Variants in TLR1 observed in about 807,000 individuals in gnomAD.
TLR1 encodes toll like receptor 1.
A neutral mutation model predicts 20.2 loss-of-function variants in TLR1; 19 were observed. The ratio of observed to expected loss-of-function variants is 0.94; its 90% confidence interval spans 0.66 to 1.38. The LOEUF (loss-of-function observed/expected upper bound fraction) is 1.38. TLR1 is among the 40% of genes most tolerant of loss of function. TLR1 has a pLI of 0.00. For synonymous variants in TLR1, 320 were observed against 334.5 expected, an observed-to-expected ratio of 0.96 and a Z score of 0.47; for missense variants, 921 against 910.0, an observed-to-expected ratio of 1.01 and a Z score of -0.16.
rs1726181756 is a variant in TLR1, at chr4:38,797,380, A to G, written c.1452T>C (p.Pro484=). 1 of 1,614,032 alleles carries G rather than the reference A, an allele frequency of 6.2e-7. No homozygotes were observed. Among genetic ancestry groups the G allele is most frequent in the Admixed American group, 1.7e-5 (1 of 60,004 alleles). ...NVAFNSLTDL[P]GCGSFSSLSV... is the part of the protein sequence containing the mutation. ...AAAGGCTGCTAAAGCTGCCACATCCAGGAAGGTCAGTTAAAGAATTGAAAG... is the reference window on the plus strand; with the variant it reads ...AAAGGCTGCTAAAGCTGCCACATCCGGGAAGGTCAGTTAAAGAATTGAAAG... The change falls in exon 4 of 4, where the codon CCT becomes CCC. Residue 484 remains proline, a synonymous_variant. Coordinates refer to ENST00000308979, the MANE Select transcript of TLR1 (RefSeq NM_003263.4).
At chr4:38,792,003 C>T (rs988080545), downstream of TLR1, among the ~76,000 whole-genome samples, 1 of 152,136 alleles carries the variant, frequency 6.6e-6, no homozygotes, top group Non-Finnish European at 1.5e-5. Flanking sequence ...TAGCCATGAC[C>T]CTGAGATAAG....
chr4:38,798,041 A>T lies in TLR1; in HGVS notation c.791T>A (p.Ile264Asn). Residue 264 changes from isoleucine to asparagine, a missense_variant, in exon 4 of 4, where the codon ATC becomes AAC. Ile to Asn is a moderately radical substitution (Grantham distance 149). Transcript: ENST00000308979. ...AGTTGTATGCCAAACCAGCTGGAGG[A>T]TCCTAATGAAAGAATTCCAAGTTGT... ...IETTWNSFIRILQLVWHTTVW... is the reference protein window; with the variant it reads ...IETTWNSFIRNLQLVWHTTVW... 6.2e-7 allele frequency: 1 copy of T among 1,614,040 alleles called. No homozygotes were observed. Among genetic ancestry groups the T allele is most frequent in the East Asian group, 2.2e-5 (1 of 44,876 alleles).
At chr4:38,794,987 G>A (rs958574519), downstream of TLR1, among the ~76,000 whole-genome samples, 3 of 152,182 alleles carry the variant, frequency 2.0e-5, no homozygotes, top group Admixed American at 2.0e-4. Context: ...ACTCAAGAGT[G>A]ACCCGAATGA....
chr4:38,801,442 A>G (rs5743592), intron 2 of TLR1, among the ~76,000 whole-genome samples: 22,309 of 152,274 alleles, frequency 0.15, 2,264 homozygotes, highest in East Asian at 0.41. Flanking sequence ...ACTTTGTTAC[A>G]GCAATTTAAA....
At chr4:38,803,547 GT>G (rs1726820554) in intron 2 of TLR1, among the ~76,000 whole-genome samples, 1 of 152,156 alleles carries the variant, frequency 6.6e-6, no homozygotes, top group African/African-American at 2.4e-5. Flanking sequence ...TAAGTACTCA[GT>G]TTATGAAACC....
At chr4:38,792,853 T>TTATATATATATATATATA (rs72518392), downstream of TLR1, among the ~76,000 whole-genome samples, 577 of 122,100 alleles carry the variant, frequency 4.7e-3, 16 homozygotes, top group African/African-American at 0.014. Context: ...TATTTTCAAA[T>TTATATATATATATATATA]TATATATATA....
chr4:38,788,920 C>T (rs147725329), downstream of TLR1, among the ~76,000 whole-genome samples: 1,036 of 152,210 alleles, frequency 6.8e-3, 14 homozygotes, highest in African/African-American at 0.024. Flanking sequence ...GCAAGAGGAT[C>T]TCTGGAGCTG....
chr4:38,792,884 T>TATA (rs1553901961), downstream of TLR1, among the ~76,000 whole-genome samples: 1 of 149,166 alleles, frequency 6.7e-6, no homozygotes, highest in Non-Finnish European at 1.5e-5. Flanking sequence ...TATCTCCAAA[T>TATA]TACTTTGCCC....
downstream of TLR1, among the ~76,000 whole-genome samples, chr4:38,792,821 C>T (rs1725787723): frequency 7.1e-6 from 1 of 141,734 alleles, no homozygotes; most frequent in East Asian, 2.2e-4. Context: ...AAAAGTGGAA[C>T]TGACAGATCA....
chr4:38,792,730 G>T (rs1725783276), downstream of TLR1, among the ~76,000 whole-genome samples: 2 of 151,678 alleles, frequency 1.3e-5, no homozygotes, highest in African/African-American at 4.9e-5. Context: ...ATTTTCCATG[G>T]CTGCTAATAA....
downstream of TLR1, among the ~76,000 whole-genome samples, chr4:38,791,892 A>G (rs1258664220): frequency 1.3e-5 from 2 of 152,228 alleles, no homozygotes; most frequent in African/African-American, 4.8e-5. Flanking sequence ...GAAGGAGTAC[A>G]TAACCACCCA....
intron 1 of TLR1, 38 bp from the exon 2 acceptor site, chr4:38,804,420 G>A (rs1202205497): frequency 1.3e-5 from 2 of 152,360 alleles, no homozygotes; most frequent in East Asian, 3.9e-4. Flanking sequence ...TAGGTGAAGA[G>A]AAATGCTGTC....
downstream of TLR1, among the ~76,000 whole-genome samples, chr4:38,791,560 G>A (rs1257124381): frequency 1.3e-5 from 2 of 151,872 alleles, no homozygotes; most frequent in African/African-American, 2.4e-5. Context: ...TTGTTCATTC[G>A]CTTGTTTAAC....
chr4:38,793,640 C>T (rs879530249), downstream of TLR1, among the ~76,000 whole-genome samples: 11 of 152,082 alleles, frequency 7.2e-5, no homozygotes, highest in Non-Finnish European at 4.4e-5. Context: ...ACTGATCTAA[C>T]GTCTAAAAAT....
In TLR1 at chr4:38,798,262, C is replaced by G. The variant is rs1726309856; in HGVS notation, c.570G>C (p.Glu190Asp). 5.6e-6 allele frequency: 9 copies of G among 1,612,538 alleles called. No individual in the cohort carries two copies. The highest frequency in any genetic ancestry group is 7.6e-6 in the Non-Finnish European group (9 of 1,179,030). Residue 190 changes from glutamate (E) to aspartate (D), a missense_variant, in exon 4 of 4, where the codon GAG (glutamate) becomes GAC (aspartate). Coordinates refer to ENST00000308979, the MANE Select transcript of TLR1 (RefSeq NM_003263.4). ...TTGTGGGGAACACAATGTGCAGACTCTCAGTGTTAAAGTCTTGAAGGCCCT... is the reference window on the plus strand; with the variant it reads ...TTGTGGGGAACACAATGTGCAGACTGTCAGTGTTAAAGTCTTGAAGGCCCT... ...DPEGLQDFNT[E>D]SLHIVFPTNK...
chr4:38,797,799 A>T lies in TLR1; in HGVS notation c.1033T>A (p.Ser345Thr). 1.2e-6 allele frequency: 2 copies of T among 1,614,116 alleles called. No homozygotes were observed. Among genetic ancestry groups the T allele is most frequent in the African/African-American group, 1.3e-5 (1 of 75,080 alleles). The change falls in exon 4 of 4, where the codon TCC (serine) becomes ACC (threonine). Residue 345 changes from serine (S) to threonine (T), a missense_variant. Physicochemically the swap from Ser to Thr is moderately conservative, Grantham distance 58. Coordinates refer to ENST00000308979, the MANE Select transcript of TLR1 (RefSeq NM_003263.4). ...GTRMVHMLCP[S>T]KISPFLHLDF... ...AAATGCAGGAACGGGCTAATTTTGG[A>T]TGGGCAAAGCATGTGGACCATGCGT...
downstream of TLR1, among the ~76,000 whole-genome samples, chr4:38,791,417 G>A (rs965967201): frequency 6.6e-6 from 1 of 152,192 alleles, no homozygotes; most frequent in African/African-American, 2.4e-5. Context: ...TATCAATGGA[G>A]ATCTTAGTGC....
chr4:38,798,605 A>G lies in TLR1; in HGVS notation c.227T>C (p.Ile76Thr), dbSNP rs776713710. Residue 76 changes from isoleucine to threonine, a missense_variant, in exon 4 of 4, where the codon ATT becomes ACT. Coordinates refer to ENST00000308979, the MANE Select transcript of TLR1 (RefSeq NM_003263.4). ...AAGATACTGGATTCTATTATGAGAA[A>G]TTATCAAAATCCTCAGTTTTGACAG... ...LSLSKLRILI[I>T]SHNRIQYLDI... is the part of the protein sequence containing the mutation. 1 of 1,613,848 alleles carries G rather than the reference A, an allele frequency of 6.2e-7. No homozygotes were observed. Among genetic ancestry groups the G allele is most frequent in the South Asian group, 1.1e-5 (1 of 91,058 alleles).
chr4:38,794,623 CA>C (rs1220469142), downstream of TLR1: 1 of 147,232 alleles, frequency 6.8e-6, no homozygotes, highest in Non-Finnish European at 1.5e-5. Context: ...AGTCTTCCTT[CA>C]AGACCTAATG....
Sources: allele counts gnomAD v4.1 joint callset (sites outside exome capture counted in the v4.1 genomes callset), GRCh38; gene constraint gnomAD v4.1.1; transcripts MANE v1.5; gene names NCBI Gene and HGNC (gene_info 2026-07-23, HGNC 2026-07-21).